The following FEZ2 variants were observed in gnomAD, a reference collection of about 807,000 sequenced individuals.
The protein encoded by FEZ2 is fasciculation and elongation protein zeta 2.
FEZ2 carries 51 observed loss-of-function variants against 40.4 expected under a neutral mutation model. That is an observed-to-expected ratio of 1.26 (90% CI 1.01 to 1.59). FEZ2 has a LOEUF of 1.59. Among genes scored for constraint, FEZ2 ranks in the 40% most tolerant of loss-of-function variants. The probability of loss-of-function intolerance (pLI) is 0.00; values close to 1 mark genes in which losing one functional copy is unlikely to be tolerated. For synonymous variants in FEZ2, 242 were observed against 172.0 expected (o/e 1.41, Z -3.18); for missense variants, 640 against 438.3 (o/e 1.46, Z -4.11).
intron 1 of FEZ2, among the ~76,000 whole-genome samples, chr2:36,593,464 TAGA>T (rs1397732629): frequency 6.6e-6 from 1 of 152,112 alleles, no homozygotes; most frequent in African/African-American, 2.4e-5. Context: ...CTTCTGAATC[TAGA>T]AGGAGGTTCC....
intron 1 of FEZ2, 33 bp from the exon 2 acceptor site, chr2:36,591,044 T>C (rs761003646): frequency 8.1e-5 from 104 of 1,290,798 alleles, no homozygotes; most frequent in Non-Finnish European, 1.1e-4. Flanking sequence ...TCAATGAAAA[T>C]TAACATTCTG....
intron 7 of FEZ2, chr2:36,555,452 T>G (rs1452428298): frequency 2.9e-6 from 1 of 341,496 alleles, no homozygotes; most frequent in Non-Finnish European, 5.3e-6. Flanking sequence ...GTTTATAGTT[T>G]AACTGTGGAG....
intron 2 of FEZ2, 71 bp from the exon 3 acceptor site, chr2:36,583,540 AAG>A: frequency 1.2e-6 from 1 of 806,846 alleles, no homozygotes; most frequent in Non-Finnish European, 2.2e-6. Flanking sequence ...CTCTGAGTAA[AAG>A]AGGCTGCAGA....
At chr2:36,593,324 C>T (rs988822337) in intron 1 of FEZ2, among the ~76,000 whole-genome samples, 1 of 152,086 alleles carries the variant, frequency 6.6e-6, no homozygotes, top group African/African-American at 2.4e-5. Flanking sequence ...CTAGGCAGTG[C>T]CCCAGTAGGG....
At chr2:36,571,990 G>A (rs1428763629) in intron 5 of FEZ2, among the ~76,000 whole-genome samples, 20 of 136,678 alleles carry the variant, frequency 1.5e-4, no homozygotes, top group Admixed American at 8.9e-4. Flanking sequence ...ACTCCAGCAT[G>A]AGCGGCTGAG....
chr2:36,556,186 C>G (rs924315737), intron 6 of FEZ2: 5 of 338,318 alleles, frequency 1.5e-5, no homozygotes, highest in Middle Eastern at 8.3e-4. Flanking sequence ...CAGCTATACC[C>G]TCCAACAAGC....
intron 7 of FEZ2, chr2:36,554,273 A>G (rs1667897479): frequency 2.1e-6 from 1 of 471,074 alleles, no homozygotes; most frequent in Admixed American, 2.3e-5. Flanking sequence ...CTAGGTTTTC[A>G]GAGTAAAGAA....
chr2:36,581,223 T>C lies in FEZ2; in HGVS notation c.634+67A>G, dbSNP rs1367167444. Reference sequence around the variant, plus strand: ...GGATGAAATCAAAGCTTTCTGGAGATGATCATACTATACATTTGATACAGA... The same window carrying C: ...GGATGAAATCAAAGCTTTCTGGAGACGATCATACTATACATTTGATACAGA... On this transcript the variant is annotated intron_variant, in intron 4 of 7. Coordinates refer to ENST00000405912, the MANE Select transcript of FEZ2 (RefSeq NM_005102.3). 4.3e-6 allele frequency: 6 copies of C among 1,384,756 alleles called. 1 individual carries two copies. In the East Asian group the frequency reaches 9.3e-5, roughly 21 times the overall value. 85.8% of individuals were successfully genotyped at this position (1,384,756 alleles called of 1,614,324 possible). A position where few individuals can be genotyped will look rare whatever the true frequency, so the allele number is the denominator to read the frequency against.
intron 5 of FEZ2, among the ~76,000 whole-genome samples, chr2:36,570,458 A>C (rs1027301737): frequency 9.9e-5 from 15 of 152,180 alleles, no homozygotes; most frequent in Admixed American, 2.0e-4. Flanking sequence ...ATTATTGCCA[A>C]ATATTTTCAA....
intron 6 of FEZ2, chr2:36,556,722 T>C (rs1027717054): frequency 3.3e-5 from 5 of 152,264 alleles, no homozygotes; most frequent in African/African-American, 1.2e-4. Flanking sequence ...CTAATTCAGA[T>C]ATAAAGGTCA....
At chr2:36,577,517 G>C (rs1352320254) in intron 5 of FEZ2, among the ~76,000 whole-genome samples, 1 of 152,186 alleles carries the variant, frequency 6.6e-6, no homozygotes, top group Non-Finnish European at 1.5e-5. Context: ...GCCTCCCAAA[G>C]TGCTGGGATT....
intron 2 of FEZ2, among the ~76,000 whole-genome samples, chr2:36,588,239 G>C (rs1573029286): frequency 2.6e-5 from 4 of 152,100 alleles, no homozygotes. Context: ...TGTTGGTAAG[G>C]CTGGTCTCAA....
In FEZ2 at chr2:36,553,181, T is replaced by C; in HGVS notation, c.1046-2A>G. The C allele has an allele frequency of 3.2e-6, 5 of 1,557,842 alleles. No homozygotes were observed. Among genetic ancestry groups the C allele is most frequent in the Non-Finnish European group, 4.4e-6 (5 of 1,148,432 alleles). On this transcript the variant is annotated splice_acceptor_variant, in intron 7 of 7. Coordinates refer to ENST00000405912, the MANE Select transcript of FEZ2 (RefSeq NM_005102.3). LOFTEE classifies it high-confidence loss of function. Reference sequence around the variant, plus strand: ...TGCTGCTCTATGTAGGACACAGAACTAGAAGAAAAAGAGAACTTTTAGCTA... The same window carrying C: ...TGCTGCTCTATGTAGGACACAGAACCAGAAGAAAAAGAGAACTTTTAGCTA...
At chr2:36,570,216 A>T (rs1668368554) in intron 5 of FEZ2, among the ~76,000 whole-genome samples, 1 of 151,956 alleles carries the variant, frequency 6.6e-6, no homozygotes, top group South Asian at 2.1e-4. Flanking sequence ...ATTCTACCAA[A>T]AATTTTTTTA....
chr2:36,578,564 A>G, intron 5 of FEZ2, 33 bp downstream of exon 5: 1 of 1,586,870 alleles, frequency 6.3e-7, no homozygotes, highest in South Asian at 1.2e-5. Flanking sequence ...ACCTGTTTCC[A>G]GTGTTCGACG....
chr2:36,590,911 C>G lies in FEZ2; in HGVS notation c.367G>C (p.Glu123Gln), dbSNP rs763715298. ...TLHLLTLNLS[E>Q]KGVSDSLLFD... ...TTCAATTCCTAACTTACCCCTTTTT[C>G]TGAGAGGTTCAGAGTAAGCAAGTGC... Residue 123 changes from glutamate (E) to glutamine (Q), a missense_variant, in exon 2 of 8, where the codon GAA becomes CAA. By Grantham distance (29) the Glu-to-Gln change is conservative. Transcript: ENST00000405912. 6.3e-7 allele frequency: 1 copy of G among 1,589,310 alleles called. No individual in the cohort carries two copies. Among genetic ancestry groups the G allele is most frequent in the Non-Finnish European group, 8.6e-7 (1 of 1,157,924 alleles).
At chr2:36,590,583 G>A (rs535837883) in intron 2 of FEZ2, 3 of 199,950 alleles carry the variant, frequency 1.5e-5, no homozygotes, top group East Asian at 1.2e-4. Context: ...TGGGAGAATC[G>A]CTTGAACCCA....
chr2:36,580,939 G>A (rs1668720923), intron 4 of FEZ2, among the ~76,000 whole-genome samples: 1 of 152,168 alleles, frequency 6.6e-6, no homozygotes, highest in South Asian at 2.1e-4. Context: ...GGATCATGAG[G>A]TCAGGAGTTC....
chr2:36,576,272 TTTA>T (rs2125232404), intron 5 of FEZ2, among the ~76,000 whole-genome samples: 1 of 93,930 alleles, frequency 1.1e-5, no homozygotes, highest in Non-Finnish European at 2.0e-5. Flanking sequence ...TTTTAGGCTT[TTTA>T]TTTTTTTTTT....
Sources: gnomAD v4.1 joint callset for allele counts (sites outside exome capture counted in the v4.1 genomes callset) on GRCh38, gnomAD v4.1.1 for gene constraint, MANE v1.5 for transcripts, NCBI Gene and HGNC (gene_info 2026-07-23, HGNC 2026-07-21) for gene names.